ARHGAP26: variants seen among roughly 807,000 people sequenced by gnomAD.
ARHGAP26 encodes the protein rho GTPase-activating protein 26.
ARHGAP26 carries 38 observed loss-of-function variants against 104.8 expected under a neutral mutation model. The observed-to-expected ratio is 0.36, with a 90% CI of 0.28 to 0.48. ARHGAP26 has a LOEUF of 0.48. Ranked by LOEUF, ARHGAP26 falls within the 20% of genes least tolerant of loss-of-function variation. The pLI, the probability that ARHGAP26 is intolerant of heterozygous loss-of-function variation, is 0.99. For missense variants in ARHGAP26, 704 were observed against 947.9 expected, an observed-to-expected ratio of 0.74 and a Z score of 3.38; for synonymous variants, 341 against 340.0, an observed-to-expected ratio of 1.00 and a Z score of -0.03.
In ARHGAP26 at chr5:143,207,252, G is replaced by C; in HGVS notation, c.2043G>C (p.Ser681=). 1 of 1,614,020 alleles carries C rather than the reference G, an allele frequency of 6.2e-7. No individual in the cohort carries two copies. Among genetic ancestry groups the C allele is most frequent in the South Asian group, 1.1e-5 (1 of 91,072 alleles). The stretch of plus-strand genomic sequence containing the variant: ...TCTCGCCATCTTGGCCCATGTTCTC[G>C]GCGCCATCCAGCCCTATGCCCACCT... ...SPLSPSWPMF[S]APSSPMPTSS... is the part of the protein sequence containing the mutation. The change falls in exon 21 of 23, where the codon TCG becomes TCC. Residue 681 remains serine, a synonymous_variant. Transcript: ENST00000645722.
At chr5:142,798,553 G>A (rs189430431) in intron 1 of ARHGAP26, among the ~76,000 whole-genome samples, 15 of 152,312 alleles carry the variant, frequency 9.8e-5, no homozygotes, top group African/African-American at 3.4e-4. Flanking sequence ...GGAGTATTGT[G>A]TAGCATTTTA....
intron 20 of ARHGAP26, among the ~76,000 whole-genome samples, chr5:143,206,841 T>C (rs1808639403): frequency 2.0e-5 from 3 of 152,250 alleles, no homozygotes; most frequent in Admixed American, 6.5e-5. Context: ...AGGCTCGCTA[T>C]AAGCTAGCCC....
intron 1 of ARHGAP26, among the ~76,000 whole-genome samples, chr5:142,789,264 A>G (rs1256881520): frequency 1.3e-5 from 2 of 152,244 alleles, no homozygotes; most frequent in African/African-American, 4.8e-5. Flanking sequence ...TAGTAATAGT[A>G]TAGACATTTA....
chr5:143,023,841 G>C (rs13162252), intron 12 of ARHGAP26, among the ~76,000 whole-genome samples: 9,296 of 152,204 alleles, frequency 0.061, 653 homozygotes, highest in African/African-American at 0.17. Context: ...CAGACACTCT[G>C]CCTCCCTCCC....
chr5:142,774,359 C>G (rs933132836), intron 1 of ARHGAP26, among the ~76,000 whole-genome samples: 3 of 151,708 alleles, frequency 2.0e-5, no homozygotes, highest in Non-Finnish European at 2.9e-5. Context: ...CTGTAGTTCT[C>G]AATTCATTGA....
At chr5:143,105,585 G>A (rs929169331) in intron 17 of ARHGAP26, among the ~76,000 whole-genome samples, 1 of 152,060 alleles carries the variant, frequency 6.6e-6, no homozygotes. Context: ...CCGGGTAGAC[G>A]TTTGTGTGTG....
chr5:143,093,590 TTCTC>T (rs527759753), intron 17 of ARHGAP26, among the ~76,000 whole-genome samples: 25 of 151,898 alleles, frequency 1.6e-4, no homozygotes, highest in Admixed American at 7.9e-4. Context: ...GCCTCACTCT[TTCTC>T]TCTGTCTTTG....
chr5:142,800,126 C>T (rs139226742), intron 1 of ARHGAP26, among the ~76,000 whole-genome samples: 5 of 152,182 alleles, frequency 3.3e-5, no homozygotes, highest in South Asian at 4.1e-4. Context: ...GAAATACCTG[C>T]GTAATAAGTA....
chr5:142,796,438 C>T (rs1273135447), intron 1 of ARHGAP26, among the ~76,000 whole-genome samples: 4 of 152,256 alleles, frequency 2.6e-5, no homozygotes, highest in Non-Finnish European at 4.4e-5. Flanking sequence ...TGATTATAAT[C>T]GCTGGTTAAA....
chr5:142,886,077 G>T (rs1757658171), intron 5 of ARHGAP26, among the ~76,000 whole-genome samples: 1 of 152,140 alleles, frequency 6.6e-6, no homozygotes, highest in Non-Finnish European at 1.5e-5. Context: ...ATGAAGATTG[G>T]CATGCTAAGG....
intron 1 of ARHGAP26, among the ~76,000 whole-genome samples, chr5:142,781,373 T>C (rs1757464270): frequency 6.6e-6 from 1 of 151,388 alleles, no homozygotes; most frequent in East Asian, 1.9e-4. Context: ...ACTTTTTTTT[T>C]CTAAATATCT....
intron 17 of ARHGAP26, among the ~76,000 whole-genome samples, chr5:143,077,953 C>T (rs918146110): frequency 2.6e-5 from 4 of 152,150 alleles, no homozygotes; most frequent in African/African-American, 9.7e-5. Context: ...CCCTGATTGC[C>T]TCTCACCTTT....
At chr5:143,150,134 G>T (rs6893890) in intron 20 of ARHGAP26, among the ~76,000 whole-genome samples, 2,076 of 152,284 alleles carry the variant, frequency 0.014, 44 homozygotes, top group East Asian at 0.07. Flanking sequence ...ATCTTTGGCA[G>T]GTCCTCAGCT....
In ARHGAP26 at chr5:143,121,013, T is replaced by C. The variant is rs753910315; in HGVS notation, c.1564T>C (p.Leu522=). The C allele has an allele frequency of 1.2e-6, 2 of 1,613,448 alleles. No homozygotes were observed. The highest frequency in any genetic ancestry group is 2.2e-5 in the South Asian group (2 of 90,986). ...ANVANNHKQN[L]MTVANLGVVF... Reference sequence around the variant, plus strand: ...TGTTGCTAACAACCACAAGCAGAATTTGATGACGGTGGCAAACCTTGGTGT... The same window carrying C: ...TGTTGCTAACAACCACAAGCAGAATCTGATGACGGTGGCAAACCTTGGTGT... The change falls in exon 18 of 23, where the codon TTG becomes CTG. Residue 522 remains leucine, a synonymous_variant. Coordinates refer to ENST00000645722, the MANE Select transcript of ARHGAP26 (RefSeq NM_001135608.3).
At position 142,778,345 on chromosome 5, in the gene ARHGAP26, CAA is replaced by C. The variant is rs1347401771; in HGVS notation, c.154+7432_154+7433del. On this transcript the variant is annotated intron_variant, in intron 1 of 22. Transcript: ENST00000645722. ...CCTGAATACATTCTCATGCAAGCAT[CAA>C]AGAGTATAGACGTATACAGTGTAAA... is the stretch of plus-strand genomic sequence containing the variant. 2.0e-5 allele frequency among the ~76,000 whole-genome samples: 3 copies of C among 152,194 alleles called. No individual in the cohort carries two copies. The East Asian group carries it at 5.8e-4, about 29-fold the overall frequency.
intron 11 of ARHGAP26, among the ~76,000 whole-genome samples, chr5:142,943,305 C>T (rs1020764079): frequency 6.6e-5 from 10 of 152,182 alleles, no homozygotes; most frequent in Non-Finnish European, 8.8e-5. Context: ...GCTGCTATCA[C>T]AAAATACTAT....
At chr5:143,186,698 A>C (rs371518640) in intron 20 of ARHGAP26, among the ~76,000 whole-genome samples, 1 of 152,194 alleles carries the variant, frequency 6.6e-6, no homozygotes, top group African/African-American at 2.4e-5. Context: ...CTGTGGACCT[A>C]TTTGCCACTG....
At chr5:143,100,802 A>C (rs1793104750) in intron 17 of ARHGAP26, among the ~76,000 whole-genome samples, 1 of 152,326 alleles carries the variant, frequency 6.6e-6, no homozygotes, top group Middle Eastern at 3.4e-3. Flanking sequence ...TTCTGGACTC[A>C]AATAGAGGCC....
chr5:142,905,398 T>C (rs1309204096), intron 8 of ARHGAP26, among the ~76,000 whole-genome samples: 1 of 152,198 alleles, frequency 6.6e-6, no homozygotes, highest in Admixed American at 6.5e-5. Context: ...GCACTTTTTT[T>C]TTAATTTTAA....
Sources: gnomAD v4.1 joint callset for allele counts (sites outside exome capture counted in the v4.1 genomes callset) on GRCh38, gnomAD v4.1.1 for gene constraint, MANE v1.5 for transcripts, NCBI Gene and HGNC (gene_info 2026-07-23, HGNC 2026-07-21) for gene names.